The following CSMD1 variants were observed in gnomAD, a reference collection of about 807,000 sequenced individuals.
CSMD1 encodes CUB and Sushi multiple domains 1, also known as CUB and sushi domain-containing protein 1.
CSMD1 carries 213 observed loss-of-function variants against 417.5 expected under a neutral mutation model. The observed-to-expected ratio is 0.51, with a 90% CI of 0.46 to 0.57. CSMD1 has a LOEUF of 0.57. Ranked by LOEUF, CSMD1 falls within the 20% of genes least tolerant of loss-of-function variation. The probability of loss-of-function intolerance (pLI) is 0.00; values close to 1 mark genes in which losing one functional copy is unlikely to be tolerated. For missense variants in CSMD1, 6,923 were observed against 4,529.7 expected (o/e 1.53, Z -15.17); for synonymous variants, 2,862 against 1,736.8 (o/e 1.65, Z -16.11).
At chr8:3,251,267 C>A (rs1181684331) in intron 26 of CSMD1, among the ~76,000 whole-genome samples, 1 of 152,192 alleles carries the variant, frequency 6.6e-6, no homozygotes, top group South Asian at 2.1e-4. Context: ...AATCCAGTTT[C>A]AGCTTTCTAC....
intron 10 of CSMD1, among the ~76,000 whole-genome samples, chr8:3,519,018 G>C (rs1424053399): frequency 6.6e-6 from 1 of 152,104 alleles, no homozygotes; most frequent in African/African-American, 2.4e-5. Context: ...CAATTTGCAA[G>C]CTAACTTCTG....
At position 3,406,094 on chromosome 8, in the gene CSMD1, G is replaced by A. The variant is rs776861517; in HGVS notation, c.2199C>T (p.Ser733=). Reference sequence around the variant, plus strand: ...CTTGCAGTATGCAGGTAATGGACTCGGATCCCTGGGTCTTGACAAAGCCAT... The same window carrying A: ...CTTGCAGTATGCAGGTAATGGACTCAGATCCCTGGGTCTTGACAAAGCCAT... ...CDDGFVKTQG[S]ESITCILQDG... The change falls in exon 15 of 70, where the codon TCC becomes TCT. Residue 733 remains serine (S), a synonymous_variant. Coordinates refer to ENST00000635120, the MANE Select transcript of CSMD1 (RefSeq NM_033225.6). 7.4e-6 allele frequency: 12 copies of A among 1,613,886 alleles called. No homozygotes were observed. In the East Asian group the frequency reaches 1.1e-4, roughly 15 times the overall value.
At chr8:3,097,609 A>G (rs1316408228) in intron 46 of CSMD1, among the ~76,000 whole-genome samples, 2 of 152,196 alleles carry the variant, frequency 1.3e-5, no homozygotes, top group African/African-American at 4.8e-5. Context: ...TGGGTGAGAC[A>G]TAGCCCGGGG....
intron 2 of CSMD1, among the ~76,000 whole-genome samples, chr8:4,478,230 G>A (rs961496924): frequency 6.6e-6 from 1 of 152,030 alleles, no homozygotes; most frequent in Non-Finnish European, 1.5e-5. Flanking sequence ...TGTTAATACT[G>A]AAAAGCTTCC....
At chr8:3,005,315 TTC>T (rs1405027810) in intron 52 of CSMD1, among the ~76,000 whole-genome samples, 1 of 152,168 alleles carries the variant, frequency 6.6e-6, no homozygotes, top group Non-Finnish European at 1.5e-5. Context: ...GTCTACTCTA[TTC>T]TGTGTCTGAT....
intron 5 of CSMD1, among the ~76,000 whole-genome samples, chr8:3,860,357 C>T (rs1423627561): frequency 6.6e-6 from 1 of 152,082 alleles, no homozygotes; most frequent in Non-Finnish European, 1.5e-5. Context: ...AATTTCAGTT[C>T]ATTTTTATTT....
chr8:3,069,823 T>C (rs1372783134), intron 49 of CSMD1, among the ~76,000 whole-genome samples: 1 of 152,214 alleles, frequency 6.6e-6, no homozygotes. Flanking sequence ...ACTGCCCTAG[T>C]AGAGGTTCTC....
At chr8:4,504,388 G>A (rs1386266832) in intron 2 of CSMD1, among the ~76,000 whole-genome samples, 1 of 152,146 alleles carries the variant, frequency 6.6e-6, no homozygotes, top group African/African-American at 2.4e-5. Flanking sequence ...GTATGTTCTG[G>A]AGATCCGATG....
chr8:3,180,737 C>A (rs1273202411), intron 37 of CSMD1, among the ~76,000 whole-genome samples: 1 of 152,092 alleles, frequency 6.6e-6, no homozygotes, highest in African/African-American at 2.4e-5. Flanking sequence ...CCAGGTGATT[C>A]TCCTGCCTCA....
chr8:3,318,295 A>G (rs918688248), intron 23 of CSMD1, among the ~76,000 whole-genome samples: 4 of 152,224 alleles, frequency 2.6e-5, no homozygotes, highest in Non-Finnish European at 4.4e-5. Context: ...ATGAAAAAAT[A>G]GAAAATCTCT....
chr8:4,760,568 T>A (rs145354755), intron 1 of CSMD1, among the ~76,000 whole-genome samples: 4,517 of 152,276 alleles, frequency 0.03, 236 homozygotes, highest in African/African-American at 0.1. Context: ...GCAGGAATAT[T>A]TTTATTTCTA....
At chr8:4,617,538 G>C (rs768748271) in intron 2 of CSMD1, among the ~76,000 whole-genome samples, 5 of 152,110 alleles carry the variant, frequency 3.3e-5, no homozygotes, top group Non-Finnish European at 7.4e-5. Context: ...GTCTGGATTT[G>C]GCTTCTGATT....
chr8:4,395,025 G>A lies in CSMD1; in HGVS notation c.415+24928C>T, dbSNP rs146844201. ...GAGGAGGTAGACCCTTTCCCTCTGCGTGGCATATCCCATATCCCTTTCCCG... is the reference window on the plus strand; with the variant it reads ...GAGGAGGTAGACCCTTTCCCTCTGCATGGCATATCCCATATCCCTTTCCCG... On this transcript the variant is annotated intron_variant, in intron 3 of 69. Transcript: ENST00000635120. Among the ~76,000 whole-genome samples, 15 of 152,260 alleles carry A rather than the reference G, an allele frequency of 9.9e-5. No individual in the cohort carries two copies. The East Asian group carries it at 1.7e-3, about 18-fold the overall frequency.
chr8:4,110,523 T>C (rs10108335), intron 3 of CSMD1, among the ~76,000 whole-genome samples: 41,111 of 152,032 alleles, frequency 0.27, 5,935 homozygotes, highest in Middle Eastern at 0.4. Flanking sequence ...GTGTGCAAGT[T>C]AAGGATTTTC....
At chr8:4,520,764 A>T (rs1276619172) in intron 2 of CSMD1, among the ~76,000 whole-genome samples, 1 of 152,164 alleles carries the variant, frequency 6.6e-6, no homozygotes, top group African/African-American at 2.4e-5. Flanking sequence ...TAATTTATGA[A>T]TTTTAAATAT....
In CSMD1 at chr8:4,954,647, C is replaced by T. The variant is rs1585400725; in HGVS notation, c.85+39685G>A. On this transcript the variant is annotated intron_variant, in intron 1 of 69. Coordinates refer to ENST00000635120, the MANE Select transcript of CSMD1 (RefSeq NM_033225.6). ...TAAAATCCTACCAAAAGCAAATACC[C>T]AATGTGTACTCATCTGAATTCATGT... Among the ~76,000 whole-genome samples, 2 of 152,218 alleles carry T rather than the reference C, an allele frequency of 1.3e-5. 1 individual carries two copies. Among genetic ancestry groups the T allele is most frequent in the South Asian group, 4.2e-4 (2 of 4,816 alleles).
At chr8:3,279,467 G>A (rs748119796) in intron 26 of CSMD1, among the ~76,000 whole-genome samples, 1 of 152,150 alleles carries the variant, frequency 6.6e-6, no homozygotes, top group East Asian at 1.9e-4. Flanking sequence ...CATTTCATAT[G>A]CTTGCCAAGG....
intron 42 of CSMD1, among the ~76,000 whole-genome samples, chr8:3,116,753 G>GT (rs1168026903): frequency 3.3e-5 from 5 of 151,984 alleles, no homozygotes; most frequent in African/African-American, 4.8e-5. Context: ...TTTAATTGTA[G>GT]TTTTTTTTAA....
In CSMD1 at chr8:3,664,825, T is replaced by C. The variant is rs139814482; in HGVS notation, c.1009+43589A>G. Among the ~76,000 whole-genome samples, 652 of 152,308 alleles carry C rather than the reference T, an allele frequency of 4.3e-3. 6 individuals carry two copies. The highest frequency in any genetic ancestry group is 0.015 in the African/African-American group (612 of 41,570). On this transcript the variant is annotated intron_variant, in intron 7 of 69. Transcript: ENST00000635120. ...GCTATCAAGAGAGTCAACATTAAAA[T>C]AGCTAAAAGTTTAGCAGTAAAGCCA...
Sources: gnomAD v4.1 joint callset for allele counts (sites outside exome capture counted in the v4.1 genomes callset) on GRCh38, gnomAD v4.1.1 for gene constraint, MANE v1.5 for transcripts, NCBI Gene and HGNC (gene_info 2026-07-23, HGNC 2026-07-21) for gene names.